Variants in B4GALT3 observed in about 807,000 individuals in gnomAD.
B4GALT3 encodes N-acetyllactosamine synthase.
In B4GALT3, 29 loss-of-function variants were observed where a neutral mutation model predicts 40.7. The observed-to-expected ratio is 0.71, with a 90% confidence interval of 0.53 to 0.97. B4GALT3 has a LOEUF of 0.97. Among genes scored for constraint, B4GALT3 ranks in the 50% least tolerant of loss-of-function variants. The pLI is 0.00. For synonymous variants in B4GALT3, 182 were observed against 203.9 expected (o/e 0.89, Z 0.92); for missense variants, 390 against 522.3 (o/e 0.75, Z 2.47).
At chr1:161,176,957 G>C in intron 1 of B4GALT3, 1 of 1,536,176 alleles carries the variant, frequency 6.5e-7, no homozygotes, top group Non-Finnish European at 8.7e-7. Context: ...TCATGTGCCT[G>C]GGTGCCAACT....
intron 2 of B4GALT3, 175 bp downstream of exon 2, chr1:161,176,259 C>A: frequency 1.5e-6 from 1 of 680,020 alleles, no homozygotes. Flanking sequence ...GTAACCCTAC[C>A]ACCTGTCACT....
chr1:161,173,085 C>A (rs1662076905), intron 6 of B4GALT3, among the ~76,000 whole-genome samples: 1 of 152,130 alleles, frequency 6.6e-6, no homozygotes, highest in Non-Finnish European at 1.5e-5. Context: ...ACAGAGGACA[C>A]AGGGGGAATG....
Position 161,176,672 on chromosome 1 carries a change from A to T in B4GALT3, c.-160-93T>A, listed in dbSNP as rs956299157. On this transcript the variant is annotated intron_variant, in intron 1 of 7. Coordinates refer to ENST00000319769, the MANE Select transcript of B4GALT3 (RefSeq NM_003779.4). Reference sequence around the variant, plus strand: ...GGTTTCCCAGCAGGCGAAGTGAAGGAAAGTGGTTGGAAAGGAAGAGGAGGA... The same window carrying T: ...GGTTTCCCAGCAGGCGAAGTGAAGGTAAGTGGTTGGAAAGGAAGAGGAGGA... 149 of 603,432 alleles carry T rather than the reference A, an allele frequency of 2.5e-4. 1 individual carries two copies. In the East Asian group the frequency reaches 3.8e-3, roughly 16 times the overall value. 37.4% of individuals were successfully genotyped at this position (603,432 alleles called of 1,614,324 possible).
At chr1:161,173,437 A>G (rs907010168) in intron 6 of B4GALT3, among the ~76,000 whole-genome samples, 168 bp downstream of exon 6, 6 of 152,234 alleles carry the variant, frequency 3.9e-5, no homozygotes, top group Admixed American at 3.3e-4. Flanking sequence ...AATGGGCAGT[A>G]GCATGCAAGC....
chr1:161,172,626 C>T (rs755870057), intron 6 of B4GALT3, among the ~76,000 whole-genome samples: 5 of 152,146 alleles, frequency 3.3e-5, no homozygotes, highest in African/African-American at 4.8e-5. Context: ...CTAGGAAGGA[C>T]GCAGAGAGAG....
chr1:161,173,816 T>C (rs1215108781), intron 5 of B4GALT3, 43 bp downstream of exon 5: 1 of 1,609,690 alleles, frequency 6.2e-7, no homozygotes, highest in African/African-American at 1.3e-5. Context: ...TTCCACAGGA[T>C]AGTAGGCTTC....
rs377086271 is a variant in B4GALT3, at chr1:161,171,882, G to A, written c.1116C>T (p.Arg372=). ...SQAFRQEMLQ[R]RPPARPGPLS... is the part of the protein sequence containing the mutation. ...GAGGCCCAGGCCTGGCTGGGGGCCG[G>A]CGTTGCAGCATCTCTTGACGGAAGG... The change falls in exon 8 of 8, where the codon CGC becomes CGT. Residue 372 remains arginine, a synonymous_variant. Coordinates refer to ENST00000319769, the MANE Select transcript of B4GALT3 (RefSeq NM_003779.4). The A allele has an allele frequency of 8.7e-6, 14 of 1,614,182 alleles. No individual in the cohort carries two copies. In the African/African-American group the frequency reaches 1.9e-4, roughly 22 times the overall value.
intron 1 of B4GALT3, 96 bp from the exon 2 acceptor site, chr1:161,176,675 G>A (rs930023572): frequency 1.3e-5 from 8 of 605,668 alleles, no homozygotes; most frequent in Non-Finnish European, 2.0e-5. Flanking sequence ...GTGAAGGAAA[G>A]TGGTTGGAAA....
At chr1:161,177,209 C>G in intron 1 of B4GALT3, 1 of 805,112 alleles carries the variant, frequency 1.2e-6, no homozygotes, top group East Asian at 2.7e-5. Flanking sequence ...GGGTTAAAAC[C>G]CAGCTCTTTC....
intron 4 of B4GALT3, 92 bp downstream of exon 4, chr1:161,174,901 T>A: frequency 7.3e-7 from 1 of 1,363,794 alleles, no homozygotes; most frequent in South Asian, 1.2e-5. Context: ...TTAAAATTAT[T>A]CTAGGGACCC....
Position 161,176,788 on chromosome 1 carries a change from C to T in B4GALT3, c.-160-209G>A, listed in dbSNP as rs1663705076. On this transcript the variant is annotated intron_variant, in intron 1 of 7. Transcript: ENST00000319769. ...ACTTAACCACCCCCGTACCCCCACC[C>T]CAACAGGACAGATTGGGGAGTGGGG... 9.7e-6 allele frequency: 14 copies of T among 1,444,314 alleles called. No individual in the cohort carries two copies. In the South Asian group the frequency reaches 1.5e-4, roughly 15 times the overall value. The allele number at this position is 1,444,314 out of a possible 1,614,324, so 89.5% of individuals were successfully genotyped here. A position where few individuals can be genotyped will look rare whatever the true frequency, so the allele number is the denominator to read the frequency against.
intron 3 of B4GALT3, 62 bp from the exon 4 acceptor site, chr1:161,175,290 G>A (rs1434930448): frequency 1.4e-6 from 2 of 1,467,180 alleles, no homozygotes; most frequent in Non-Finnish European, 1.9e-6. Flanking sequence ...ATCAAACTAG[G>A]GTTTGGGAAT....
intron 6 of B4GALT3, among the ~76,000 whole-genome samples, chr1:161,173,364 A>G (rs915668339): frequency 3.3e-5 from 5 of 152,160 alleles, no homozygotes; most frequent in Admixed American, 2.6e-4. Flanking sequence ...CGACGATACT[A>G]TTTCCTATTG....
rs113979660 is a variant in B4GALT3, at chr1:161,177,494, C to T, written c.-232G>A. On this transcript the variant is annotated 5_prime_UTR_variant, in exon 1 of 8. Transcript: ENST00000319769. ...GGCATCGCTGCCGCCATCTTGGAAG[C>T]GGGCGCTGCGGGGGCGGGGTCTCGC... 8.3e-5 allele frequency: 14 copies of T among 169,116 alleles called. No homozygotes were observed. The highest frequency in any genetic ancestry group is 7.0e-4 in the Admixed American group (12 of 17,038). The allele number at this position is 169,116 out of a possible 1,614,324, so 10.5% of individuals were successfully genotyped here.
chr1:161,174,104 G>A, intron 4 of B4GALT3, 55 bp from the exon 5 acceptor site: 1 of 1,570,868 alleles, frequency 6.4e-7, no homozygotes. Flanking sequence ...CGGAGAAAAG[G>A]GGGCTAAAGA....
At chr1:161,177,554 G>C (rs1464883286), upstream of B4GALT3, 1 of 167,798 alleles carries the variant, frequency 6.0e-6, no homozygotes, top group Non-Finnish European at 1.3e-5. Context: ...GAGCCACCCG[G>C]GCTGACTAGG....
chr1:161,171,719 T>G lies in B4GALT3; in HGVS notation c.*97A>C. The stretch of plus-strand genomic sequence containing the variant: ...CCCTAGCACGGCACCAGAGTTCAGT[T>G]CCCTCACATCCCTCTGAGAACAGTG... On this transcript the variant is annotated 3_prime_UTR_variant, in exon 8 of 8. Transcript: ENST00000319769. 1 of 1,498,716 alleles carries G rather than the reference T, an allele frequency of 6.7e-7. No individual in the cohort carries two copies. The highest frequency in any genetic ancestry group is 9.1e-7 in the Non-Finnish European group (1 of 1,103,840). The allele number at this position is 1,498,716 out of a possible 1,614,324, so 92.8% of individuals were successfully genotyped here. A position where few individuals can be genotyped will look rare whatever the true frequency, so the allele number is the denominator to read the frequency against.
chr1:161,175,753 TC>T (rs1359276270), intron 3 of B4GALT3, 54 bp downstream of exon 3: 2 of 1,593,574 alleles, frequency 1.3e-6, no homozygotes, highest in Admixed American at 1.7e-5. Context: ...TCCCCAAGCC[TC>T]CCTGTCTCCG....
At position 161,172,754 on chromosome 1, in the gene B4GALT3, G is replaced by A. The variant is rs551095155; in HGVS notation, c.804-423C>T. Among the ~76,000 whole-genome samples, 128 of 152,032 alleles carry A rather than the reference G, an allele frequency of 8.4e-4. 1 individual carries two copies. Among genetic ancestry groups the A allele is most frequent in the Non-Finnish European group, 1.2e-3 (84 of 68,004 alleles). Reference sequence around the variant, plus strand: ...ATGTTAAGAAAAAGGTAGGCCAGGTGCAGTGGCTCACACCTGCAATCCTAG... The same window carrying A: ...ATGTTAAGAAAAAGGTAGGCCAGGTACAGTGGCTCACACCTGCAATCCTAG... On this transcript the variant is annotated intron_variant, in intron 6 of 7. Coordinates refer to ENST00000319769, the MANE Select transcript of B4GALT3 (RefSeq NM_003779.4).
Sources: allele counts gnomAD v4.1 joint callset (sites outside exome capture counted in the v4.1 genomes callset), GRCh38; gene constraint gnomAD v4.1.1; transcripts MANE v1.5; gene names NCBI Gene and HGNC (gene_info 2026-07-23, HGNC 2026-07-21).